DHRSX: variants seen among roughly 807,000 people sequenced by gnomAD.
DHRSX encodes the protein dehydrogenase/reductase X-linked, also known as polyprenol dehydrogenase.
A neutral mutation model predicts 34.0 loss-of-function variants in DHRSX; 31 were observed. The observed-to-expected ratio is 0.91, with a 90% CI of 0.69 to 1.23. The LOEUF (loss-of-function observed/expected upper bound fraction) is 1.23. Among genes scored for constraint, DHRSX ranks in the 50% most tolerant of loss-of-function variants. The pLI is 0.00. For missense variants in DHRSX, 414 were observed against 428.1 expected (o/e 0.97, Z 0.29); for synonymous variants, 201 against 183.8 (o/e 1.09, Z -0.76).
At chrX:2,335,397 T>C (rs1416007720) in intron 3 of DHRSX, among the ~76,000 whole-genome samples, 3 of 151,828 alleles carry the variant, frequency 2.0e-5, no homozygotes, top group Non-Finnish European at 4.4e-5. Flanking sequence ...GGGAGGGGGC[T>C]TCCAGGTCAT....
At chrX:2,425,385 G>A in intron 1 of DHRSX, 81 bp from the exon 2 acceptor site, 1 of 1,210,448 alleles carries the variant, frequency 8.3e-7, no homozygotes, top group Non-Finnish European at 1.2e-6. Flanking sequence ...CTCCAGAGAG[G>A]CAAGATGCCA....
intron 3 of DHRSX, among the ~76,000 whole-genome samples, chrX:2,326,252 G>T (rs1388838650): frequency 1.3e-5 from 2 of 152,180 alleles, no homozygotes; most frequent in Non-Finnish European, 2.9e-5. Flanking sequence ...GCCAGGCATG[G>T]TGGCTCGCAC....
intron 6 of DHRSX, among the ~76,000 whole-genome samples, chrX:2,239,075 A>G (rs2016081589): frequency 6.6e-6 from 1 of 152,166 alleles, no homozygotes. Context: ...CTTCTGCTCT[A>G]TAATTTTAAA....
chrX:2,328,975 G>A (rs1164056290), intron 3 of DHRSX, among the ~76,000 whole-genome samples: 1 of 152,148 alleles, frequency 6.6e-6, no homozygotes, highest in African/African-American at 2.4e-5. Context: ...AGGAGGATGA[G>A]TTCTACTCGG....
At chrX:2,234,179 C>A (rs1185345130) in intron 6 of DHRSX, among the ~76,000 whole-genome samples, 2 of 152,146 alleles carry the variant, frequency 1.3e-5, no homozygotes, top group South Asian at 2.1e-4. Flanking sequence ...CCCATGCACA[C>A]AGCCCTGATC....
intron 5 of DHRSX, among the ~76,000 whole-genome samples, chrX:2,258,774 G>A (rs1022078837): frequency 2.0e-5 from 3 of 152,196 alleles, no homozygotes; most frequent in East Asian, 1.9e-4. Context: ...AGTCAGTGCC[G>A]TCAACGAAGA....
At chrX:2,257,647 CAG>C (rs2041297451) in intron 5 of DHRSX, among the ~76,000 whole-genome samples, 1 of 151,974 alleles carries the variant, frequency 6.6e-6, no homozygotes, top group South Asian at 2.1e-4. Flanking sequence ...TTTTTTGAGA[CAG>C]AGTTTCGGTC....
chrX:2,347,177 G>T (rs774570056), intron 3 of DHRSX, among the ~76,000 whole-genome samples: 1 of 152,298 alleles, frequency 6.6e-6, no homozygotes, highest in East Asian at 1.9e-4. Context: ...ACAGTTCCAC[G>T]TGGCTGGGGA....
chrX:2,243,788 G>GTTTTTTTTTTTTTTTTTTTTTTTTTTT (rs778957532), intron 5 of DHRSX, among the ~76,000 whole-genome samples: 2 of 25,172 alleles, frequency 7.9e-5, no homozygotes, highest in Non-Finnish European at 2.1e-4. Context: ...TATGCTCCCT[G>GTTTTTTTTTTTTTTTTTTTTTTTTTTT]TTTTTTTTTT....
chrX:2,351,373 TAA>T lies in DHRSX; in HGVS notation c.286+57370_286+57371del, dbSNP rs762174922. Among the ~76,000 whole-genome samples, 21 of 152,362 alleles carry T rather than the reference TAA, an allele frequency of 1.4e-4. 1 individual carries two copies. In the East Asian group the frequency reaches 4.0e-3, roughly 29 times the overall value. ...ATCAGAATACTTGTAATATGTGGAC[TAA>T]GTCTTTAAATAAAAACACCTGCTTA... On this transcript the variant is annotated intron_variant, in intron 3 of 6. Coordinates refer to ENST00000334651, the MANE Select transcript of DHRSX (RefSeq NM_145177.3).
chrX:2,335,387 G>A (rs371881244), intron 3 of DHRSX, among the ~76,000 whole-genome samples: 223 of 151,964 alleles, frequency 1.5e-3, no homozygotes, highest in African/African-American at 4.6e-3. Context: ...ACTCGAAGTG[G>A]GGAGGGGGCT....
At chrX:2,339,139 T>C (rs2042608243) in intron 3 of DHRSX, among the ~76,000 whole-genome samples, 1 of 151,978 alleles carries the variant, frequency 6.6e-6, no homozygotes. Flanking sequence ...AAGTAAGTTC[T>C]TTTTATTTTT....
chrX:2,234,460 C>T (rs2015968229), intron 6 of DHRSX, among the ~76,000 whole-genome samples: 1 of 152,254 alleles, frequency 6.6e-6, no homozygotes, highest in African/African-American at 2.4e-5. Context: ...TCAGTACCTC[C>T]TTCCCTGCCT....
intron 5 of DHRSX, 60 bp from the exon 6 acceptor site, chrX:2,243,290 TC>T: frequency 2.0e-6 from 3 of 1,486,542 alleles, no homozygotes; most frequent in Non-Finnish European, 2.8e-6. Flanking sequence ...AAGTGCTTCA[TC>T]CCAGCAGCAT....
intron 6 of DHRSX, among the ~76,000 whole-genome samples, chrX:2,242,318 C>G (rs1247471554): frequency 1.4e-5 from 2 of 147,282 alleles, no homozygotes; most frequent in African/African-American, 5.0e-5. Context: ...CCTAGCTACA[C>G]AGCGTCACCC....
In DHRSX at chrX:2,425,210, C is replaced by T. The variant is rs778641933; in HGVS notation, c.204G>A (p.Met68Ile). 1 of 1,613,126 alleles carries T rather than the reference C, an allele frequency of 6.2e-7. No individual in the cohort carries two copies. The highest frequency in any genetic ancestry group is 1.1e-5 in the South Asian group (1 of 91,022). ...AAAAGTCATCACCTATGATAACATG[C>T]ATGCCAAGTCTCGCCAGATGCTTCG... Reference protein sequence around the residue: ...STAKHLARLGMHVIIAGNNDS... With the variant: ...STAKHLARLGIHVIIAGNNDS... The change falls in exon 2 of 7, where the codon ATG becomes ATA. Residue 68 changes from methionine (M) to isoleucine (I), a missense_variant. By Grantham distance (10) the Met-to-Ile change is conservative. Transcript: ENST00000334651.
intron 3 of DHRSX, among the ~76,000 whole-genome samples, chrX:2,318,709 TC>T (rs1467550926): frequency 1.3e-5 from 2 of 151,074 alleles, no homozygotes; most frequent in African/African-American, 4.9e-5. Context: ...GAATAATCTT[TC>T]CCTTGTTTCG....
rs369169640 is a variant in DHRSX, at chrX:2,489,925, G to A, written c.109+10892C>T. The A allele has an allele frequency of 1.8e-4, 283 of 1,613,864 alleles. 1 individual carries two copies. The Middle Eastern group carries it at 1.8e-3, about 10-fold the overall frequency. On this transcript the variant is annotated intron_variant, in intron 1 of 6. Coordinates refer to ENST00000334651, the MANE Select transcript of DHRSX (RefSeq NM_145177.3). ...CCTTGCCATAGTTGGTGGTGGCCCC[G>A]AAGACCTTGGCGCTGATGCCCCACT... is the stretch of plus-strand genomic sequence containing the variant.
chrX:2,462,208 TA>T (rs2044412122), intron 1 of DHRSX, among the ~76,000 whole-genome samples: 1 of 147,394 alleles, frequency 6.8e-6, no homozygotes, highest in South Asian at 2.1e-4. Flanking sequence ...AAGAAAAAAG[TA>T]GCAAGAAAAA....
Sources: gnomAD v4.1 joint callset for allele counts (sites outside exome capture counted in the v4.1 genomes callset) on GRCh38, gnomAD v4.1.1 for gene constraint, MANE v1.5 for transcripts, NCBI Gene and HGNC (gene_info 2026-07-23, HGNC 2026-07-21) for gene names.